The following CAMK2B variants were observed in gnomAD, a reference collection of about 807,000 sequenced individuals.
The protein encoded by CAMK2B is calcium/calmodulin-dependent protein kinase type II subunit beta.
CAMK2B carries 27 observed loss-of-function variants against 93.7 expected under a neutral mutation model. The observed-to-expected ratio is 0.29, with a 90% CI of 0.21 to 0.40. CAMK2B has a LOEUF of 0.40. Ranked by LOEUF, CAMK2B falls within the 10% of genes least tolerant of loss-of-function variation. CAMK2B has a pLI of 1.00. For synonymous variants in CAMK2B, 374 were observed against 358.8 expected, an observed-to-expected ratio of 1.04 and a Z score of -0.48; for missense variants, 568 against 895.8, an observed-to-expected ratio of 0.63 and a Z score of 4.67.
At position 44,225,503 on chromosome 7, in the gene CAMK2B, C is replaced by T. The variant is rs1051644315; in HGVS notation, c.1597+1013G>A. Among the ~76,000 whole-genome samples, 1 of 152,192 alleles carries T rather than the reference C, an allele frequency of 6.6e-6. No individual in the cohort carries two copies. Among genetic ancestry groups the T allele is most frequent in the African/African-American group, 2.4e-5 (1 of 41,442 alleles). On this transcript the variant is annotated intron_variant, in intron 20 of 23. Transcript: ENST00000395749. The surrounding 1 kb of genome is among the most constrained non-coding windows in gnomAD (Gnocchi z 5.0). The stretch of plus-strand genomic sequence containing the variant: ...GCTTGCCTCTGATCCCCTCAGTCAA[C>T]CCCTGCTGGGGGTCCTCAGCCGACC...
chr7:44,258,978 C>T lies in CAMK2B; in HGVS notation c.221-52G>A, dbSNP rs778945070. The T allele has an allele frequency of 7.3e-6, 11 of 1,497,968 alleles. No homozygotes were observed. The African/African-American group carries it at 8.3e-5, about 11-fold the overall frequency. The allele number at this position is 1,497,968 out of a possible 1,614,324, so 92.8% of individuals were successfully genotyped here. A position where few individuals can be genotyped will look rare whatever the true frequency, so the allele number is the denominator to read the frequency against. ...GCTGGCAATAGCCCAGGACACACCTCCTGCCTGCCTCCGTACCTGTCCAGG... is the reference window on the plus strand; with the variant it reads ...GCTGGCAATAGCCCAGGACACACCTTCTGCCTGCCTCCGTACCTGTCCAGG... On this transcript the variant is annotated intron_variant, in intron 3 of 23. Transcript: ENST00000395749.
chr7:44,234,604 C>T (rs1251023346), intron 14 of CAMK2B, 35 bp downstream of exon 14: 2 of 1,613,040 alleles, frequency 1.2e-6, no homozygotes, highest in East Asian at 4.5e-5. Context: ...AGGCTCTGGG[C>T]TCCCCGGCAC....
chr7:44,280,077 A>T (rs550168896), intron 2 of CAMK2B, among the ~76,000 whole-genome samples: 1 of 152,288 alleles, frequency 6.6e-6, no homozygotes, highest in East Asian at 1.9e-4. Context: ...GTGAGAGTCT[A>T]TGTCTAGGGT....
At chr7:44,263,202 A>G (rs546566915) in intron 2 of CAMK2B, 138 bp from the exon 3 acceptor site, 1 of 711,184 alleles carries the variant, frequency 1.4e-6, no homozygotes, top group Non-Finnish European at 2.2e-6. Context: ...CCAAGGGAAC[A>G]CCCTTCGTGG....
At chr7:44,233,042 G>T (rs778448827) in intron 15 of CAMK2B, among the ~76,000 whole-genome samples, 176 bp from the exon 16 acceptor site, 5 of 152,132 alleles carry the variant, frequency 3.3e-5, no homozygotes, top group African/African-American at 1.2e-4. Flanking sequence ...GAGCAGCTGG[G>T]GGAGGAGCCT....
At chr7:44,322,581 T>C (rs1390813519) in intron 1 of CAMK2B, among the ~76,000 whole-genome samples, 2 of 152,210 alleles carry the variant, frequency 1.3e-5, no homozygotes, top group Non-Finnish European at 2.9e-5. Context: ...TTCCTTGCCT[T>C]GCTCTGTACC....
In CAMK2B at chr7:44,299,761, G is replaced by A. The variant is rs958852398; in HGVS notation, c.66-15536C>T. 4.6e-5 allele frequency among the ~76,000 whole-genome samples: 7 copies of A among 152,174 alleles called. No homozygotes were observed. The South Asian group carries it at 8.3e-4, about 18-fold the overall frequency. ...TCATCTGTAAATGGAGATGATAATAGTATCTCTTAGAGCTTTTGGAAAAGT... is the reference window on the plus strand; with the variant it reads ...TCATCTGTAAATGGAGATGATAATAATATCTCTTAGAGCTTTTGGAAAAGT... On this transcript the variant is annotated intron_variant, in intron 1 of 23. Transcript: ENST00000395749.
chr7:44,276,304 C>A (rs1227119077), intron 2 of CAMK2B, among the ~76,000 whole-genome samples: 1 of 152,148 alleles, frequency 6.6e-6, no homozygotes, highest in African/African-American at 2.4e-5. Flanking sequence ...CCCAGTTCCG[C>A]GGATTCTGCC....
At chr7:44,299,374 A>G (rs552331905) in intron 1 of CAMK2B, among the ~76,000 whole-genome samples, 1 of 152,338 alleles carries the variant, frequency 6.6e-6, no homozygotes, top group African/African-American at 2.4e-5. Flanking sequence ...GGTTGCTGGA[A>G]TAAGGAGAGA....
At chr7:44,245,040 AG>A (rs2096717200) in intron 6 of CAMK2B, 1 of 451,796 alleles carries the variant, frequency 2.2e-6, no homozygotes, top group Admixed American at 2.4e-5. Context: ...TGGACAGAGG[AG>A]GGGTCAGGGG....
At chr7:44,294,233 CT>C (rs1417343539) in intron 1 of CAMK2B, among the ~76,000 whole-genome samples, 2 of 152,210 alleles carry the variant, frequency 1.3e-5, no homozygotes, top group Non-Finnish European at 2.9e-5. Flanking sequence ...TCAGATGCCC[CT>C]GTCTGTGTAT....
At chr7:44,308,531 C>G (rs551206184) in intron 1 of CAMK2B, among the ~76,000 whole-genome samples, 23 of 152,316 alleles carry the variant, frequency 1.5e-4, no homozygotes, top group Admixed American at 3.9e-4. Flanking sequence ...TGCATCCCCC[C>G]ACTTCCTTGG....
Position 44,225,884 on chromosome 7 carries a change from A to G in CAMK2B, c.1597+632T>C, listed in dbSNP as rs933201096. Reference sequence around the variant, plus strand: ...GGGGTGGCAGCAGCCCTGGGATGTCATCCATCCCTGTAAGTGATACTGCGG... The same window carrying G: ...GGGGTGGCAGCAGCCCTGGGATGTCGTCCATCCCTGTAAGTGATACTGCGG... On this transcript the variant is annotated intron_variant, in intron 20 of 23. Coordinates refer to ENST00000395749, the MANE Select transcript of CAMK2B (RefSeq NM_001220.5). The surrounding 1 kb of genome is among the most constrained non-coding windows in gnomAD (Gnocchi z 5.0). 4 of 1,288,942 alleles carry G rather than the reference A, an allele frequency of 3.1e-6. No individual in the cohort carries two copies. The highest frequency in any genetic ancestry group is 1.5e-5 in the African/African-American group (1 of 65,790). The allele number at this position is 1,288,942 out of a possible 1,614,324, so 79.8% of individuals were successfully genotyped here.
intron 1 of CAMK2B, among the ~76,000 whole-genome samples, chr7:44,297,961 TA>T (rs1438662599): frequency 1.3e-5 from 2 of 152,086 alleles, no homozygotes. Flanking sequence ...CTGTCTCTAT[TA>T]AAAATACAAA....
intron 1 of CAMK2B, among the ~76,000 whole-genome samples, chr7:44,289,391 C>A (rs1786102276): frequency 6.6e-6 from 1 of 152,234 alleles, no homozygotes; most frequent in Non-Finnish European, 1.5e-5. Context: ...TTGCCCCCAG[C>A]AGGACCACAC....
In CAMK2B at chr7:44,240,722, T is replaced by C; in HGVS notation, c.931A>G (p.Thr311Ala). 2 of 1,614,014 alleles carry C rather than the reference T, an allele frequency of 1.2e-6. No individual in the cohort carries two copies. The highest frequency in any genetic ancestry group is 1.7e-6 in the Non-Finnish European group (2 of 1,179,962). The change falls in exon 12 of 24, where the codon ACA (threonine) becomes GCA (alanine). Residue 311 changes from threonine (T) to alanine (A), a missense_variant. Transcript: ENST00000395749. ...AAAGGCTCACCTGAGAAATTCCGTG[T>C]GGCCAGCATGGTGGTGAGGATGGCT... ...KGAILTTMLA[T>A]RNFSVGRQTT...
chr7:44,287,886 T>C (rs974627501), intron 1 of CAMK2B, among the ~76,000 whole-genome samples: 1 of 152,218 alleles, frequency 6.6e-6, no homozygotes, highest in African/African-American at 2.4e-5. Flanking sequence ...CCTGTTCACT[T>C]TTGCCACTCC....
chr7:44,252,085 A>G (rs2096785908), intron 5 of CAMK2B, among the ~76,000 whole-genome samples: 1 of 152,040 alleles, frequency 6.6e-6, no homozygotes, highest in African/African-American at 2.4e-5. Context: ...CGAGACTCAG[A>G]CTGAGGAGGG....
intron 2 of CAMK2B, among the ~76,000 whole-genome samples, chr7:44,283,211 C>T (rs923791816): frequency 1.3e-5 from 2 of 152,266 alleles, no homozygotes; most frequent in Non-Finnish European, 2.9e-5. Flanking sequence ...AGCAGCTGCC[C>T]CGGGAGGCCT....
Sources: allele counts gnomAD v4.1 joint callset (sites outside exome capture counted in the v4.1 genomes callset), GRCh38; gene constraint gnomAD v4.1.1; non-coding constraint Gnocchi (gnomAD v3.1); transcripts MANE v1.5; gene names NCBI Gene and HGNC (gene_info 2026-07-23, HGNC 2026-07-21).